The following STIM1 variants were observed in gnomAD, a reference collection of about 807,000 sequenced individuals.
STIM1 encodes stromal interaction molecule 1.
Under a neutral mutation model 74.7 loss-of-function variants are expected in STIM1, and 25 were observed. That is an observed-to-expected ratio of 0.33 (90% CI 0.24 to 0.47). The LOEUF (loss-of-function observed/expected upper bound fraction) is 0.47, where lower values mean the gene tolerates loss of function less well. Ranked by LOEUF, STIM1 falls within the 20% of genes least tolerant of loss-of-function variation. The probability of loss-of-function intolerance (pLI) is 1.00; values close to 1 mark genes in which losing one functional copy is unlikely to be tolerated. For synonymous variants in STIM1, 328 were observed against 348.8 expected, an observed-to-expected ratio of 0.94 and a Z score of 0.66; for missense variants, 728 against 920.8, an observed-to-expected ratio of 0.79 and a Z score of 2.71.
Position 3,967,575 on chromosome 11 carries a change from C to G in STIM1, c.163C>G (p.Leu55Val). 6.2e-7 allele frequency: 1 copy of G among 1,614,186 alleles called. No individual in the cohort carries two copies. Among genetic ancestry groups the G allele is most frequent in the Non-Finnish European group, 8.5e-7 (1 of 1,180,018 alleles). ...AAEFCRIDKPLCHSEDEKLSF... is the reference protein window; with the variant it reads ...AAEFCRIDKPVCHSEDEKLSF... ...AGAGTTTTGCCGAATTGACAAGCCC[C>G]TGTGTCACAGTGAGGATGAGAAACT... Residue 55 changes from leucine (L) to valine (V), a missense_variant, in exon 2 of 13, where the codon CTG becomes GTG. Physicochemically the swap from Leu to Val is conservative, Grantham distance 32. Coordinates refer to ENST00000526596, the MANE Select transcript of STIM1 (RefSeq NM_001382567.1).
intron 1 of STIM1, among the ~76,000 whole-genome samples, chr11:3,911,118 A>T (rs2092555737): frequency 1.3e-5 from 2 of 152,154 alleles, no homozygotes. Flanking sequence ...CATTGGGGAG[A>T]TAAGGATAGG....
intron 1 of STIM1, among the ~76,000 whole-genome samples, chr11:3,926,289 A>G (rs1172634269): frequency 6.6e-6 from 1 of 152,198 alleles, no homozygotes; most frequent in Admixed American, 6.5e-5. Flanking sequence ...CTCTATTCTC[A>G]GGAAAACTCA....
intron 3 of STIM1, among the ~76,000 whole-genome samples, chr11:4,034,080 T>C (rs1330861017): frequency 6.6e-6 from 1 of 151,586 alleles, no homozygotes; most frequent in Non-Finnish European, 1.5e-5. Context: ...AATACAAAAA[T>C]TAGCTGGTTG....
At chr11:4,027,793 G>A (rs2094010210) in intron 3 of STIM1, among the ~76,000 whole-genome samples, 1 of 152,140 alleles carries the variant, frequency 6.6e-6, no homozygotes, top group African/African-American at 2.4e-5. Context: ...GGAGAGAGCT[G>A]CAATTTCCAG....
At chr11:4,029,725 ACT>A (rs1224734816) in intron 3 of STIM1, among the ~76,000 whole-genome samples, 1 of 152,120 alleles carries the variant, frequency 6.6e-6, no homozygotes, top group Non-Finnish European at 1.5e-5. Flanking sequence ...GGCTCCAGCC[ACT>A]CTCAACCTTG....
intron 1 of STIM1, among the ~76,000 whole-genome samples, chr11:3,907,336 T>G (rs2092481678): frequency 6.6e-6 from 1 of 152,228 alleles, no homozygotes; most frequent in South Asian, 2.1e-4. Flanking sequence ...CAGCTTAGAT[T>G]TCTCCCTGAA....
chr11:3,906,217 C>T (rs2092463402), intron 1 of STIM1, among the ~76,000 whole-genome samples: 1 of 152,166 alleles, frequency 6.6e-6, no homozygotes, highest in Non-Finnish European at 1.5e-5. Flanking sequence ...TAGGCTTCTT[C>T]CTAAGTATTT....
chr11:3,984,864 G>T (rs746257670), intron 2 of STIM1, among the ~76,000 whole-genome samples: 4 of 152,180 alleles, frequency 2.6e-5, no homozygotes, highest in Non-Finnish European at 5.9e-5. Flanking sequence ...ATGTAAACAG[G>T]CAGTGACAAT....
intron 3 of STIM1, among the ~76,000 whole-genome samples, chr11:4,030,749 C>T (rs1039538201): frequency 2.0e-5 from 3 of 152,086 alleles, no homozygotes; most frequent in Admixed American, 6.5e-5. Context: ...TTTAAATAGA[C>T]ACTTGAGGAT....
chr11:3,929,114 G>C (rs895217939), intron 1 of STIM1, among the ~76,000 whole-genome samples: 4 of 152,202 alleles, frequency 2.6e-5, no homozygotes, highest in Non-Finnish European at 4.4e-5. Flanking sequence ...GCCTCCCAAA[G>C]TGCTGGGATT....
At chr11:3,941,140 T>C (rs1391321759) in intron 1 of STIM1, among the ~76,000 whole-genome samples, 2 of 152,216 alleles carry the variant, frequency 1.3e-5, no homozygotes, top group Non-Finnish European at 2.9e-5. Flanking sequence ...ATAATTTTTA[T>C]TGTTATTATT....
intron 1 of STIM1, among the ~76,000 whole-genome samples, chr11:3,916,377 A>G (rs2092643426): frequency 6.6e-6 from 1 of 150,428 alleles, no homozygotes; most frequent in African/African-American, 2.5e-5. Context: ...AACCTCTGCC[A>G]CCTGGGTTCA....
rs184479396 is a variant in STIM1 at position 3,866,366 on chromosome 11, T to C, written c.139+9957T>C. Among the ~76,000 whole-genome samples, 5 of 152,164 alleles carry C rather than the reference T, an allele frequency of 3.3e-5. No homozygotes were observed. In the East Asian group the frequency reaches 9.6e-4, roughly 29 times the overall value. On this transcript the variant is annotated intron_variant, in intron 1 of 12. Coordinates refer to ENST00000526596, the MANE Select transcript of STIM1 (RefSeq NM_001382567.1). ...GTGAACAAACTCTGGTAGCACTTAC[T>C]ATCTGCAGTGCTCTCTGTGCACTTC...
At chr11:3,939,418 G>A (rs964165844) in intron 1 of STIM1, among the ~76,000 whole-genome samples, 1 of 152,156 alleles carries the variant, frequency 6.6e-6, no homozygotes, top group Non-Finnish European at 1.5e-5. Context: ...GGTTACCACT[G>A]ATCTCATTTC....
At chr11:4,033,173 T>C (rs2094066560) in intron 3 of STIM1, among the ~76,000 whole-genome samples, 1 of 151,968 alleles carries the variant, frequency 6.6e-6, no homozygotes, top group Middle Eastern at 3.2e-3. Context: ...GTTGTAGATA[T>C]GTGGCGTTAT....
intron 1 of STIM1, among the ~76,000 whole-genome samples, chr11:3,904,323 G>T (rs2092423063): frequency 6.6e-6 from 1 of 152,026 alleles, no homozygotes; most frequent in African/African-American, 2.4e-5. Context: ...GAGTGCCCTG[G>T]AGCATATTCT....
In STIM1 at chr11:3,881,092, A is replaced by T. The variant is rs775338305; in HGVS notation, c.139+24683A>T. On this transcript the variant is annotated intron_variant, in intron 1 of 12. Coordinates refer to ENST00000526596, the MANE Select transcript of STIM1 (RefSeq NM_001382567.1). ...AGTATGGTGACGTAGGCCGTTTATT[A>T]AAAAAAAAAAAAAAAAGGAAAATCA... Among the ~76,000 whole-genome samples, 603 of 103,114 alleles carry T rather than the reference A, an allele frequency of 5.8e-3. 1 individual carries two copies. Among genetic ancestry groups the T allele is most frequent in the Non-Finnish European group, 8.7e-3 (418 of 48,134 alleles). The allele number at this position is 103,114 out of a possible 152,430, so 67.6% of individuals were successfully genotyped here. A position where few individuals can be genotyped will look rare whatever the true frequency, so the allele number is the denominator to read the frequency against.
chr11:3,997,611 G>A (rs951654619), intron 2 of STIM1, among the ~76,000 whole-genome samples: 1 of 152,186 alleles, frequency 6.6e-6, no homozygotes, highest in South Asian at 2.1e-4. Flanking sequence ...AGATGACTAG[G>A]AGTGATAAGG....
chr11:3,911,097 A>G (rs913215263), intron 1 of STIM1, among the ~76,000 whole-genome samples: 3 of 152,182 alleles, frequency 2.0e-5, no homozygotes, highest in South Asian at 4.1e-4. Flanking sequence ...GGCTTGGTTT[A>G]TCAGTGGTAG....
Sources: allele counts gnomAD v4.1 joint callset (sites outside exome capture counted in the v4.1 genomes callset), GRCh38; gene constraint gnomAD v4.1.1; transcripts MANE v1.5; gene names NCBI Gene and HGNC (gene_info 2026-07-23, HGNC 2026-07-21).